PLBD2: variants seen among roughly 807,000 people sequenced by gnomAD.
PLBD2 encodes the protein phospholipase B domain containing 2, also known as putative aminopeptidase PLBD2.
Under a neutral mutation model 68.3 loss-of-function variants are expected in PLBD2, and 51 were observed. The observed-to-expected ratio is 0.75, with a 90% CI of 0.60 to 0.94. The LOEUF is 0.94. PLBD2 is among the 40% of genes least tolerant of loss of function. The pLI, the probability that PLBD2 is intolerant of heterozygous loss-of-function variation, is 0.00. For synonymous variants in PLBD2, 314 were observed against 339.3 expected (o/e 0.93, Z 0.82); for missense variants, 729 against 792.2 (o/e 0.92, Z 0.96).
At position 113,384,776 on chromosome 12, in the gene PLBD2, G is replaced by T; in HGVS notation, c.1119-75G>T. On this transcript the variant is annotated intron_variant, in intron 7 of 11. Coordinates refer to ENST00000280800, the MANE Select transcript of PLBD2 (RefSeq NM_173542.4). This position sits in a 1 kb window ranked among gnomAD's most constrained non-coding sequence, Gnocchi z 4.2. ...CACTTCCTGTAATTCCTAGCTGAGT[G>T]GGACACTGCAGGGTGGGGAAAGCTG... The T allele has an allele frequency of 1.6e-6, 2 of 1,230,412 alleles. No individual in the cohort carries two copies. Among genetic ancestry groups the T allele is most frequent in the East Asian group, 2.4e-5 (1 of 41,418 alleles). 76.2% of individuals were successfully genotyped at this position (1,230,412 alleles called of 1,614,324 possible).
intron 11 of PLBD2, 149 bp from the exon 12 acceptor site, chr12:113,388,310 C>T (rs1206220942): frequency 1.3e-6 from 1 of 782,336 alleles, no homozygotes; most frequent in Non-Finnish European, 1.9e-6. Flanking sequence ...TCACTGCACT[C>T]CAACCTGGGT....
At chr12:113,382,835 T>TTTTTTTTGTGTGTGTGTGTG (rs1335785271) in intron 6 of PLBD2, among the ~76,000 whole-genome samples, 5 of 106,610 alleles carry the variant, frequency 4.7e-5, no homozygotes, top group African/African-American at 1.5e-4. Flanking sequence ...TGGTGGTTTT[T>TTTTTTTTGTGTGTGTGTGTG]TGTGTGTGTG....
At chr12:113,376,320 T>C (rs1235026148) in intron 5 of PLBD2, among the ~76,000 whole-genome samples, 1 of 151,984 alleles carries the variant, frequency 6.6e-6, no homozygotes, top group Non-Finnish European at 1.5e-5. Flanking sequence ...CGCACCACTG[T>C]GTCTGGCTAA....
rs546088850 is a variant in PLBD2 at position 113,388,249 on chromosome 12, T to G, written c.1603-210T>G. ...CCCAGCTACTCAGGAGGCTGAGGCA[T>G]GAGAATTGCTTGAACCCGGGAGGCA... On this transcript the variant is annotated intron_variant, in intron 11 of 11. Coordinates refer to ENST00000280800, the MANE Select transcript of PLBD2 (RefSeq NM_173542.4). Among the ~76,000 whole-genome samples, 125 of 151,640 alleles carry G rather than the reference T, an allele frequency of 8.2e-4. 1 individual carries two copies. The highest frequency in any genetic ancestry group is 5.9e-5 in the Non-Finnish European group (4 of 67,900).
chr12:113,389,592 A>G lies in PLBD2; in HGVS notation c.*966A>G, dbSNP rs972714273. ...CCTTCCACCCACCCATCCGTCTTCC[A>G]TCATCCATCCATCCATCTACCTATC... On this transcript the variant is annotated 3_prime_UTR_variant, in exon 12 of 12. Transcript: ENST00000280800. The G allele has an allele frequency of 3.3e-5, 5 of 151,486 alleles. No individual in the cohort carries two copies. Among genetic ancestry groups the G allele is most frequent in the African/African-American group, 1.2e-4 (5 of 41,010 alleles). 9.4% of individuals were successfully genotyped at this position (151,486 alleles called of 1,614,324 possible). A position where few individuals can be genotyped will look rare whatever the true frequency, so the allele number is the denominator to read the frequency against.
intron 6 of PLBD2, among the ~76,000 whole-genome samples, chr12:113,383,741 A>T (rs1957518225): frequency 6.6e-6 from 1 of 151,560 alleles, no homozygotes; most frequent in Non-Finnish European, 1.5e-5. Context: ...TATTTAACAC[A>T]TGTAATCCCA....
In PLBD2 at chr12:113,380,861, T is replaced by G. The variant is rs1429295224; in HGVS notation, c.957+19T>G. ...TGGGCTGGTGAGTCCCTTTCTCATG[T>G]CTCCTCTGTTCCTGGGGTGTTTGTC... On this transcript the variant is annotated intron_variant, in intron 6 of 11. Transcript: ENST00000280800. 6.5e-7 allele frequency: 1 copy of G among 1,544,854 alleles called. No homozygotes were observed.
chr12:113,388,915 A>C lies in PLBD2; in HGVS notation c.*289A>C. 1.1e-5 allele frequency: 3 copies of C among 262,460 alleles called. No individual in the cohort carries two copies. Among genetic ancestry groups the C allele is most frequent in the Non-Finnish European group, 2.1e-5 (3 of 140,396 alleles). The allele number at this position is 262,460 out of a possible 1,614,324, so 16.3% of individuals were successfully genotyped here. A position where few individuals can be genotyped will look rare whatever the true frequency, so the allele number is the denominator to read the frequency against. ...CTGCTGCTCTCTCAACCTCATTCCC[A>C]CCTCTGGGGCCCCTTCCTCGTGCTT... On this transcript the variant is annotated 3_prime_UTR_variant, in exon 12 of 12. Coordinates refer to ENST00000280800, the MANE Select transcript of PLBD2 (RefSeq NM_173542.4).
Position 113,388,720 on chromosome 12 carries a change from C to G in PLBD2, c.*94C>G. On this transcript the variant is annotated 3_prime_UTR_variant, in exon 12 of 12. Transcript: ENST00000280800. ...ACCGGACTTCTAACTCCAGCCCCTC[C>G]TGGGGGCTTCGTTCTCTGATCTGGG... 7.4e-7 allele frequency: 1 copy of G among 1,346,100 alleles called. No individual in the cohort carries two copies. The highest frequency in any genetic ancestry group is 9.9e-7 in the Non-Finnish European group (1 of 1,005,506). 83.4% of individuals were successfully genotyped at this position (1,346,100 alleles called of 1,614,324 possible).
chr12:113,376,052 C>G (rs1050538856), intron 5 of PLBD2, among the ~76,000 whole-genome samples: 9 of 151,790 alleles, frequency 5.9e-5, no homozygotes, highest in African/African-American at 2.2e-4. Context: ...CAGGGTTTTC[C>G]CATATTGGCC....
chr12:113,374,827 G>GCA lies in PLBD2; in HGVS notation c.679_680insCA (p.Glu227AlafsTer5), dbSNP rs1187289991. 6.2e-7 allele frequency: 1 copy of GCA among 1,613,796 alleles called. No individual in the cohort carries two copies. Among genetic ancestry groups the GCA allele is most frequent in the Admixed American group, 1.7e-5 (1 of 60,014 alleles). ...GCTCTCTGGGGACCTGGAAGACCTG[G>GCA]AGCTGGCCCTGAACAAGACCAAGAT... On this transcript the variant is annotated frameshift_variant, in exon 5 of 12. Coordinates refer to ENST00000280800, the MANE Select transcript of PLBD2 (RefSeq NM_173542.4).
In PLBD2 at chr12:113,385,134, G is replaced by A. The variant is rs1265871643; in HGVS notation, c.1215-78G>A. On this transcript the variant is annotated intron_variant, in intron 8 of 11. Transcript: ENST00000280800. ...ATCCTCCAGGCAATGGGGAGCCATC[G>A]GGGCTCCCCGAGCAGGGCAGTGCCC... The A allele has an allele frequency of 3.5e-5, 52 of 1,478,934 alleles. No individual in the cohort carries two copies. In the South Asian group the frequency reaches 4.5e-4, roughly 13 times the overall value. 91.6% of individuals were successfully genotyped at this position (1,478,934 alleles called of 1,614,324 possible). A position where few individuals can be genotyped will look rare whatever the true frequency, so the allele number is the denominator to read the frequency against.
chr12:113,377,300 A>C (rs1173384967), intron 5 of PLBD2, among the ~76,000 whole-genome samples: 2 of 152,156 alleles, frequency 1.3e-5, no homozygotes, highest in Non-Finnish European at 2.9e-5. Context: ...TGCACGTGGA[A>C]CACACCTGTG....
intron 2 of PLBD2, 61 bp downstream of exon 2, chr12:113,369,270 C>T: frequency 7.1e-7 from 1 of 1,414,356 alleles, no homozygotes; most frequent in South Asian, 1.3e-5. Context: ...AGCATGTTCC[C>T]CAGTGTGCTT....
At chr12:113,359,586 T>A (rs1957271133) in intron 1 of PLBD2, 1 of 152,268 alleles carries the variant, frequency 6.6e-6, no homozygotes, top group South Asian at 2.1e-4. Flanking sequence ...GCTGTCATTC[T>A]GATGTGTGAG....
chr12:113,358,807 GGCGGGCC>G lies in PLBD2; in HGVS notation c.208_214del (p.Ala70SerfsTer64). The G allele has an allele frequency of 6.7e-7, 1 of 1,493,060 alleles. No homozygotes were observed. Among genetic ancestry groups the G allele is most frequent in the African/African-American group, 1.5e-5 (1 of 68,096 alleles). The allele number at this position is 1,493,060 out of a possible 1,614,324, so 92.5% of individuals were successfully genotyped here. A position where few individuals can be genotyped will look rare whatever the true frequency, so the allele number is the denominator to read the frequency against. ...GCCGCTCGGTGCTCCTGGACGTCTC[GGCGGGCC>G]AGCTGCTTATGGTGGACGGACGCCA... On this transcript the variant is annotated frameshift_variant, in exon 1 of 12. Coordinates refer to ENST00000280800, the MANE Select transcript of PLBD2 (RefSeq NM_173542.4). LOFTEE classifies it high-confidence loss of function.
intron 3 of PLBD2, 109 bp from the exon 4 acceptor site, chr12:113,374,365 G>C: frequency 1.4e-6 from 1 of 702,742 alleles, no homozygotes; most frequent in Non-Finnish European, 2.5e-6. Flanking sequence ...GTACCCCCGG[G>C]CCTCCTGCTC....
chr12:113,387,022 C>A lies in PLBD2; in HGVS notation c.1372C>A (p.Arg458=), dbSNP rs756092775. Reference sequence around the variant, plus strand: ...CTGGTTTTCTTATGACGGGAGCCCCCGGGCCCAGATCTTCCGGCGGAACCA... The same window carrying A: ...CTGGTTTTCTTATGACGGGAGCCCCAGGGCCCAGATCTTCCGGCGGAACCA... ...GDWFSYDGSP[R]AQIFRRNQSL... Residue 458 remains arginine (R), a synonymous_variant, in exon 10 of 12, where the codon CGG becomes AGG. Transcript: ENST00000280800. 6.2e-7 allele frequency: 1 copy of A among 1,611,884 alleles called. No individual in the cohort carries two copies. Among genetic ancestry groups the A allele is most frequent in the East Asian group, 2.2e-5 (1 of 44,672 alleles).
At chr12:113,361,327 G>T (rs941502516) in intron 1 of PLBD2, among the ~76,000 whole-genome samples, 223 of 127,868 alleles carry the variant, frequency 1.7e-3, no homozygotes, top group African/African-American at 6.3e-3. Flanking sequence ...TTTAAAAAAG[G>T]TTTTTTTTTT....
Sources: gnomAD v4.1 joint callset for allele counts (sites outside exome capture counted in the v4.1 genomes callset) on GRCh38, gnomAD v4.1.1 for gene constraint, Gnocchi (gnomAD v3.1) non-coding constraint, MANE v1.5 for transcripts, NCBI Gene and HGNC (gene_info 2026-07-23, HGNC 2026-07-21) for gene names.